Variants in RBMS3 observed in about 807,000 individuals in gnomAD.
The protein encoded by RBMS3 is RNA binding motif single stranded interacting protein 3.
RBMS3 carries 27 observed loss-of-function variants against 66.8 expected under a neutral mutation model. The observed-to-expected ratio is 0.40, with a 90% confidence interval of 0.30 to 0.56. The LOEUF is 0.56. Ranked by LOEUF, RBMS3 falls within the 20% of genes least tolerant of loss-of-function variation. RBMS3 has a pLI of 0.40. For missense variants in RBMS3, 513 were observed against 549.5 expected (o/e 0.93, Z 0.66); for synonymous variants, 188 against 183.0 (o/e 1.03, Z -0.22).
rs76460052 is a variant in RBMS3 at position 29,709,833 on chromosome 3, A to G, written c.400-29887A>G. ...ATTTAATTCTTCCTCTAAGAAAGCT[A>G]TAATTATATATAATCATAGAGATAA... On this transcript the variant is annotated intron_variant, in intron 4 of 14. Transcript: ENST00000383767. Among the ~76,000 whole-genome samples the G allele has an allele frequency of 4.3e-3, 658 of 152,338 alleles. 16 individuals are homozygous for G. The highest frequency in any genetic ancestry group is 0.036 in the Admixed American group (555 of 15,300).
At chr3:29,711,639 G>C (rs1400010329) in intron 4 of RBMS3, among the ~76,000 whole-genome samples, 1 of 152,178 alleles carries the variant, frequency 6.6e-6, no homozygotes, top group Non-Finnish European at 1.5e-5. Flanking sequence ...CTCAGAATGA[G>C]CTTGTGGCAA....
At position 29,705,526 on chromosome 3, in the gene RBMS3, T is replaced by G. The variant is rs141165316; in HGVS notation, c.400-34194T>G. Among the ~76,000 whole-genome samples the G allele has an allele frequency of 2.7e-3, 413 of 152,338 alleles. 2 individuals carry two copies. The highest frequency in any genetic ancestry group is 9.3e-3 in the African/African-American group (387 of 41,588). ...AACATAATGAAATGGAAAATGTGCT[T>G]TAAAATGAAATATAATTAATATGAA... On this transcript the variant is annotated intron_variant, in intron 4 of 14. Coordinates refer to ENST00000383767, the MANE Select transcript of RBMS3 (RefSeq NM_001003793.3).
intron 12 of RBMS3, among the ~76,000 whole-genome samples, chr3:29,968,622 C>A (rs1235031114): frequency 1.3e-5 from 2 of 152,222 alleles, no homozygotes; most frequent in African/African-American, 4.8e-5. Context: ...CCTTCAGCTT[C>A]TCCAGTGGGG....
At chr3:29,674,703 G>A (rs1380918827) in intron 4 of RBMS3, among the ~76,000 whole-genome samples, 4 of 138,584 alleles carry the variant, frequency 2.9e-5, no homozygotes, top group Non-Finnish European at 4.5e-5. Context: ...GGGATGTGAA[G>A]GACCTATTCA....
Position 29,751,994 on chromosome 3 carries a change from G to GT in RBMS3, c.558-10913dup, listed in dbSNP as rs369005869. On this transcript the variant is annotated intron_variant, in intron 5 of 14. Coordinates refer to ENST00000383767, the MANE Select transcript of RBMS3 (RefSeq NM_001003793.3). ...TTTGTCATCCATGGATGGCTTAAGT[G>GT]TTTAACAGCTCAATGGGGAGTTAGT... Among the ~76,000 whole-genome samples the GT allele has an allele frequency of 2.3e-3, 350 of 152,308 alleles. 1 individual carries two copies. The highest frequency in any genetic ancestry group is 7.7e-3 in the African/African-American group (318 of 41,558).
intron 2 of RBMS3, among the ~76,000 whole-genome samples, chr3:29,461,062 G>A (rs1427324161): frequency 6.6e-6 from 1 of 152,148 alleles, no homozygotes; most frequent in Non-Finnish European, 1.5e-5. Flanking sequence ...ATGCAAAATA[G>A]TTCACAAATT....
chr3:29,309,003 A>G (rs1038086341), intron 1 of RBMS3, among the ~76,000 whole-genome samples: 1 of 151,800 alleles, frequency 6.6e-6, no homozygotes, highest in Non-Finnish European at 1.5e-5. Flanking sequence ...ACTTGGAGAC[A>G]AGTCAGAATT....
intron 6 of RBMS3, among the ~76,000 whole-genome samples, chr3:29,812,806 T>G (rs1020781394): frequency 3.3e-5 from 5 of 152,136 alleles, no homozygotes; most frequent in Admixed American, 2.0e-4. Flanking sequence ...AGACGATGTC[T>G]CCTACTTCAT....
intron 4 of RBMS3, among the ~76,000 whole-genome samples, chr3:29,599,230 A>G (rs189413681): frequency 1.3e-5 from 2 of 151,612 alleles, no homozygotes; most frequent in East Asian, 3.9e-4. Context: ...TTTATTATAC[A>G]TTTTAAAATA....
chr3:29,361,375 C>T (rs1304569454), intron 1 of RBMS3, among the ~76,000 whole-genome samples: 1 of 150,668 alleles, frequency 6.6e-6, no homozygotes, highest in African/African-American at 2.5e-5. Context: ...GAATATTGAC[C>T]CCCACTCTCT....
intron 10 of RBMS3, among the ~76,000 whole-genome samples, chr3:29,928,207 T>TACACACACAC (rs1462382952): frequency 2.7e-5 from 3 of 112,254 alleles, no homozygotes; most frequent in African/African-American, 1.1e-4. Flanking sequence ...TATATATATA[T>TACACACACAC]ATATACACAC....
chr3:29,375,020 C>A (rs2125609998), intron 1 of RBMS3, among the ~76,000 whole-genome samples: 1 of 152,254 alleles, frequency 6.6e-6, no homozygotes, highest in East Asian at 1.9e-4. Flanking sequence ...AAACATAGAC[C>A]AATGGCACAG....
At chr3:29,586,779 T>C (rs1478173560) in intron 3 of RBMS3, among the ~76,000 whole-genome samples, 6 of 152,144 alleles carry the variant, frequency 3.9e-5, no homozygotes, top group African/African-American at 1.4e-4. Flanking sequence ...TCCAGCACTT[T>C]GTGTACCTCA....
intron 1 of RBMS3, among the ~76,000 whole-genome samples, chr3:29,379,356 A>G (rs1026774864): frequency 6.6e-6 from 1 of 152,216 alleles, no homozygotes; most frequent in Non-Finnish European, 1.5e-5. Context: ...AACTAGAAAA[A>G]AAATGGGTCT....
At chr3:29,798,595 T>A (rs2057291043) in intron 6 of RBMS3, among the ~76,000 whole-genome samples, 1 of 152,072 alleles carries the variant, frequency 6.6e-6, no homozygotes, top group Non-Finnish European at 1.5e-5. Context: ...GAATAGGAGG[T>A]GTTTCCTAGA....
intron 1 of RBMS3, among the ~76,000 whole-genome samples, chr3:29,296,184 G>A (rs1575488703): frequency 6.6e-6 from 1 of 151,852 alleles, no homozygotes; most frequent in South Asian, 2.1e-4. Context: ...TTTGTGAAAG[G>A]TCAGCTTCCT....
intron 3 of RBMS3, among the ~76,000 whole-genome samples, chr3:29,547,236 A>G (rs1056230424): frequency 5.3e-5 from 8 of 152,216 alleles, no homozygotes; most frequent in Non-Finnish European, 1.2e-4. Context: ...AAGCACTGGA[A>G]TTATATACCC....
chr3:29,596,578 TAGG>T (rs1313516727), intron 4 of RBMS3, among the ~76,000 whole-genome samples: 2 of 152,158 alleles, frequency 1.3e-5, no homozygotes, highest in African/African-American at 4.8e-5. Context: ...GGTGAAAAAA[TAGG>T]AGATGTCCCA....
At position 29,939,814 on chromosome 3, in the gene RBMS3, A is replaced by G. The variant is rs142804124; in HGVS notation, c.1050+3618A>G. ...GTTGACTCCTAAATCTCAGTCCCCAATACTAACCTCATCTAATAATTTCAG... is the reference window on the plus strand; with the variant it reads ...GTTGACTCCTAAATCTCAGTCCCCAGTACTAACCTCATCTAATAATTTCAG... On this transcript the variant is annotated intron_variant, in intron 11 of 14. Transcript: ENST00000383767. Among the ~76,000 whole-genome samples the G allele has an allele frequency of 3.5e-3, 528 of 151,910 alleles. 3 individuals are homozygous for G. The highest frequency in any genetic ancestry group is 0.012 in the African/African-American group (508 of 41,490).
Sources: gnomAD v4.1 joint callset for allele counts (sites outside exome capture counted in the v4.1 genomes callset) on GRCh38, gnomAD v4.1.1 for gene constraint, MANE v1.5 for transcripts, NCBI Gene and HGNC (gene_info 2026-07-23, HGNC 2026-07-21) for gene names.